SLC16A7: variants seen among roughly 807,000 people sequenced by gnomAD.
SLC16A7 encodes the protein monocarboxylate transporter 2.
In SLC16A7, 33 loss-of-function variants were observed where a neutral mutation model predicts 34.9. The ratio of observed to expected loss-of-function variants is 0.94; its 90% CI spans 0.72 to 1.26. SLC16A7 has a LOEUF of 1.26. Among genes scored for constraint, SLC16A7 ranks in the 50% most tolerant of loss-of-function variants. The pLI, the probability that SLC16A7 is intolerant of heterozygous loss-of-function variation, is 0.00. For missense variants in SLC16A7, 573 were observed against 578.1 expected (o/e 0.99, Z 0.09); for synonymous variants, 201 against 206.6 (o/e 0.97, Z 0.23).
chr12:59,687,731 T>G (rs1420555820), intron 2 of SLC16A7, among the ~76,000 whole-genome samples: 1 of 152,120 alleles, frequency 6.6e-6, no homozygotes, highest in Non-Finnish European at 1.5e-5. Flanking sequence ...TTTTCTTATT[T>G]TCTGGGATCC....
intron 1 of SLC16A7, among the ~76,000 whole-genome samples, chr12:59,632,940 G>A (rs17122757): frequency 0.049 from 7,522 of 151,992 alleles, 222 homozygotes; most frequent in Middle Eastern, 0.12. Context: ...TGAGTGTTGC[G>A]TTAGGGAGAA....
At chr12:59,761,900 G>A (rs1239499828) in intron 3 of SLC16A7, among the ~76,000 whole-genome samples, 1 of 152,094 alleles carries the variant, frequency 6.6e-6, no homozygotes, top group African/African-American at 2.4e-5. Context: ...TTTACTAAAA[G>A]AGAAGTCCTA....
chr12:59,655,792 C>A (rs1030036002), intron 2 of SLC16A7, among the ~76,000 whole-genome samples: 2 of 151,648 alleles, frequency 1.3e-5, no homozygotes, highest in Admixed American at 1.3e-4. Flanking sequence ...ATCCTTCATA[C>A]AATCTTGGTC....
chr12:59,690,428 T>C (rs1385980895), intron 2 of SLC16A7, among the ~76,000 whole-genome samples: 1 of 152,064 alleles, frequency 6.6e-6, no homozygotes, highest in Non-Finnish European at 1.5e-5. Context: ...TTAAAGTATG[T>C]ACATCATTAT....
At chr12:59,628,121 A>G (rs897134956) in intron 1 of SLC16A7, among the ~76,000 whole-genome samples, 2 of 151,734 alleles carry the variant, frequency 1.3e-5, no homozygotes, top group African/African-American at 2.4e-5. Context: ...CACCTGAACT[A>G]TTCCATAGCT....
At chr12:59,666,989 T>C (rs370762070) in intron 2 of SLC16A7, among the ~76,000 whole-genome samples, 27 of 152,270 alleles carry the variant, frequency 1.8e-4, no homozygotes, top group African/African-American at 6.0e-4. Flanking sequence ...GGACTTATAG[T>C]TCCACGTGGC....
intron 1 of SLC16A7, among the ~76,000 whole-genome samples, chr12:59,603,060 T>C (rs1429314551): frequency 6.6e-6 from 1 of 152,222 alleles, no homozygotes; most frequent in African/African-American, 2.4e-5. Context: ...TATTCTAGCC[T>C]AGAAGCTTTT....
chr12:59,729,593 C>T (rs1020248961), intron 3 of SLC16A7, among the ~76,000 whole-genome samples: 2 of 152,046 alleles, frequency 1.3e-5, no homozygotes, highest in Non-Finnish European at 2.9e-5. Flanking sequence ...GAAGCCCAAC[C>T]CTTTCCCTCC....
At chr12:59,699,352 A>G (rs1335636120) in intron 2 of SLC16A7, among the ~76,000 whole-genome samples, 1 of 151,734 alleles carries the variant, frequency 6.6e-6, no homozygotes, top group African/African-American at 2.4e-5. Flanking sequence ...ACATGAAAAG[A>G]TACTCAAAAT....
intron 3 of SLC16A7, among the ~76,000 whole-genome samples, chr12:59,728,793 G>A (rs994364461): frequency 6.6e-6 from 1 of 152,190 alleles, no homozygotes; most frequent in Admixed American, 6.5e-5. Context: ...TGACACCTAT[G>A]GGATGACAAT....
chr12:59,653,977 T>C (rs1357676458), intron 1 of SLC16A7, among the ~76,000 whole-genome samples: 1 of 151,702 alleles, frequency 6.6e-6, no homozygotes, highest in African/African-American at 2.4e-5. Flanking sequence ...AATAATAAGA[T>C]AAATATCAGA....
intron 3 of SLC16A7, among the ~76,000 whole-genome samples, chr12:59,757,351 A>G (rs968355926): frequency 6.6e-6 from 1 of 152,290 alleles, no homozygotes; most frequent in African/African-American, 2.4e-5. Context: ...GTGTATACCT[A>G]TGTAACAAAC....
chr12:59,729,003 T>C (rs1876619612), intron 3 of SLC16A7, among the ~76,000 whole-genome samples: 1 of 152,216 alleles, frequency 6.6e-6, no homozygotes, highest in Non-Finnish European at 1.5e-5. Flanking sequence ...ATGTTGTAAT[T>C]CATTTTTGTC....
intron 2 of SLC16A7, among the ~76,000 whole-genome samples, chr12:59,657,002 G>A (rs1868571823): frequency 6.6e-6 from 1 of 151,818 alleles, no homozygotes; most frequent in Non-Finnish European, 1.5e-5. Context: ...TTCTTTATAG[G>A]GCTGTTGTGA....
chr12:59,611,018 G>T (rs543812410), intron 1 of SLC16A7, among the ~76,000 whole-genome samples: 103 of 152,264 alleles, frequency 6.8e-4, no homozygotes, highest in African/African-American at 2.3e-3. Context: ...TTCACAGATA[G>T]CAGTGTTATA....
At chr12:59,600,015 G>T (rs1047074355) in intron 1 of SLC16A7, among the ~76,000 whole-genome samples, 9 of 152,120 alleles carry the variant, frequency 5.9e-5, no homozygotes, top group African/African-American at 2.2e-4. Flanking sequence ...TCTGGGTTTT[G>T]ATTTTAGCTT....
rs1374480572 is a variant in SLC16A7 at position 59,779,476 on chromosome 12, G to A, written c.1234G>A (p.Ala412Thr). 2.5e-6 allele frequency: 4 copies of A among 1,611,454 alleles called. No individual in the cohort carries two copies. The highest frequency in any genetic ancestry group is 2.2e-5 in the South Asian group (2 of 91,014). ...TAAATACATGTACATGTCCTGTGGGGCTATTGTGGTAGCAGCAAGCGTGTG... is the reference window on the plus strand; with the variant it reads ...TAAATACATGTACATGTCCTGTGGGACTATTGTGGTAGCAGCAAGCGTGTG... ...EYKYMYMSCG[A>T]IVVAASVWLL... Residue 412 changes from alanine (A) to threonine (T), a missense_variant, in exon 6 of 6, where the codon GCT becomes ACT. Ala to Thr is a moderately conservative substitution (Grantham distance 58). Coordinates refer to ENST00000547379, the MANE Select transcript of SLC16A7 (RefSeq NM_001270623.2).
At chr12:59,631,986 G>A (rs767711827) in intron 1 of SLC16A7, among the ~76,000 whole-genome samples, 8 of 151,898 alleles carry the variant, frequency 5.3e-5, no homozygotes, top group Non-Finnish European at 1.2e-4. Context: ...ATAAGACAGA[G>A]TATAAAAACC....
intron 3 of SLC16A7, among the ~76,000 whole-genome samples, chr12:59,714,459 G>T (rs1874637653): frequency 6.6e-6 from 1 of 152,098 alleles, no homozygotes. Flanking sequence ...GTTTCTGGTG[G>T]GGCCTCTCTC....
Sources: allele counts gnomAD v4.1 joint callset (sites outside exome capture counted in the v4.1 genomes callset), GRCh38; gene constraint gnomAD v4.1.1; transcripts MANE v1.5; gene names NCBI Gene and HGNC (gene_info 2026-07-23, HGNC 2026-07-21).